Variants in ANKRD26 observed in about 807,000 individuals in gnomAD.
ANKRD26 encodes ankyrin repeat domain-containing protein 26.
A neutral mutation model predicts 208.7 loss-of-function variants in ANKRD26; 141 were observed. The ratio of observed to expected loss-of-function variants is 0.68; its 90% confidence interval spans 0.59 to 0.78. ANKRD26 has a LOEUF of 0.78. Among genes scored for constraint, ANKRD26 ranks in the 30% least tolerant of loss-of-function variants. ANKRD26 has a pLI of 0.00. For missense variants in ANKRD26, 1,889 were observed against 1,938.7 expected, an observed-to-expected ratio of 0.97 and a Z score of 0.48; for synonymous variants, 636 against 660.4, an observed-to-expected ratio of 0.96 and a Z score of 0.57.
chr10:26,984,590 A>G (rs1478241473), intron 3 of ANKRD26, among the ~76,000 whole-genome samples: 1 of 152,164 alleles, frequency 6.6e-6, no homozygotes, highest in Non-Finnish European at 1.5e-5. Flanking sequence ...ATCTTCAGGG[A>G]GGGCACTGTA....
chr10:27,032,466 C>T (rs553325371), intron 25 of ANKRD26, among the ~76,000 whole-genome samples: 1 of 152,230 alleles, frequency 6.6e-6, no homozygotes, highest in South Asian at 2.1e-4. Context: ...AAAACCCTAT[C>T]TCTAACTGTA....
intron 29 of ANKRD26, among the ~76,000 whole-genome samples, chr10:27,021,482 T>C (rs1345971707): frequency 2.0e-5 from 3 of 152,234 alleles, no homozygotes; most frequent in Non-Finnish European, 4.4e-5. Flanking sequence ...GTAGCGATTC[T>C]AACTGGAATA....
intron 15 of ANKRD26, among the ~76,000 whole-genome samples, chr10:27,057,606 T>C (rs1052074302): frequency 1.3e-5 from 2 of 152,206 alleles, no homozygotes; most frequent in African/African-American, 4.8e-5. Flanking sequence ...CAGAATTTAC[T>C]TTTTAAGCCT....
chr10:26,995,073 T>C (rs1255094047), exon 5 of ANKRD26: 2 of 471,010 alleles, frequency 4.2e-6, no homozygotes, highest in African/African-American at 2.0e-5. Context: ...GTGGCATCTA[T>C]TGCAGGTCTG....
In ANKRD26 at chr10:27,100,424, C is replaced by G; in HGVS notation, c.-98G>C. 6.5e-7 allele frequency: 1 copy of G among 1,545,040 alleles called. No homozygotes were observed. The highest frequency in any genetic ancestry group is 2.0e-5 in the Admixed American group (1 of 50,622). On this transcript the variant is annotated 5_prime_UTR_variant, in exon 1 of 34. Coordinates refer to ENST00000376087, the MANE Select transcript of ANKRD26 (RefSeq NM_014915.3). ...ACAAGTCAGCCCCGGCTGGCCGCAG[C>G]CTCCCAAAGGAAACTCCGCGGTTTC...
rs2053792035 is a variant in ANKRD26 at position 27,029,448 on chromosome 10, C to T, written c.3808-92G>A. ...TTTGTAACTAAACCTTATCGGAACA[C>T]AGTCATACCCCTTCAATATGCATAT... On this transcript the variant is annotated intron_variant, in intron 25 of 33. Coordinates refer to ENST00000376087, the MANE Select transcript of ANKRD26 (RefSeq NM_014915.3). The T allele has an allele frequency of 5.2e-6, 6 of 1,143,450 alleles. No individual in the cohort carries two copies. In the Admixed American group the frequency reaches 9.9e-5, roughly 19 times the overall value. The allele number at this position is 1,143,450 out of a possible 1,614,324, so 70.8% of individuals were successfully genotyped here. A position where few individuals can be genotyped will look rare whatever the true frequency, so the allele number is the denominator to read the frequency against.
At chr10:27,004,107 C>A, downstream of ANKRD26, 1 of 152,068 alleles carries the variant, frequency 6.6e-6, no homozygotes, top group East Asian at 1.9e-4. Flanking sequence ...ATCGTGTCTG[C>A]AACCTACAAA....
In ANKRD26 at chr10:27,100,089, T is replaced by G; in HGVS notation, c.238A>C (p.Asn80His). 3 of 1,613,988 alleles carry G rather than the reference T, an allele frequency of 1.9e-6. No individual in the cohort carries two copies. The highest frequency in any genetic ancestry group is 2.5e-6 in the Non-Finnish European group (3 of 1,179,952). The change falls in exon 1 of 34, where the codon AAC becomes CAC. Residue 80 changes from asparagine to histidine, a missense_variant. Around this residue, in one of 3 missense-constraint regions of ANKRD26, gnomAD observed 1,272 missense variants for 1,273.8 expected, o/e 1.00. Transcript: ENST00000376087. ...KNGLNDRDKM[N>H]RTALHLACAN... is the part of the protein sequence containing the mutation. The stretch of plus-strand genomic sequence containing the variant: ...CGGGCTTGCGACGCCTATTACCTGT[T>G]CATCTTGTCTCTATCGTTCAAGCCA...
intron 16 of ANKRD26, chr10:27,051,023 G>C (rs990274156): frequency 1.7e-6 from 2 of 1,193,052 alleles, no homozygotes; most frequent in Non-Finnish European, 2.1e-6. Flanking sequence ...AATTGATAGA[G>C]AAAAAAACAA....
At chr10:26,962,656 G>A in the ANKRD26 span, among the ~76,000 whole-genome samples, 4 of 152,148 alleles carry the variant, frequency 2.6e-5, no homozygotes, top group African/African-American at 9.7e-5. Flanking sequence ...GCTGAGGCAG[G>A]AGCATTGCTT....
At chr10:26,978,771 C>A (rs549511848) in intron 5 of ANKRD26, among the ~76,000 whole-genome samples, 2 of 152,174 alleles carry the variant, frequency 1.3e-5, no homozygotes, top group African/African-American at 4.8e-5. Flanking sequence ...AGTTACAATG[C>A]GGCTGCAACA....
At chr10:26,999,389 G>T (rs892773026), downstream of ANKRD26, among the ~76,000 whole-genome samples, 2 of 152,160 alleles carry the variant, frequency 1.3e-5, no homozygotes, top group Non-Finnish European at 2.9e-5. Flanking sequence ...TATAGTTAGG[G>T]TTCTCCTTCA....
At chr10:27,005,867 T>G in intron 33 of ANKRD26, 144 bp from the exon 34 acceptor site, 1 of 1,045,932 alleles carries the variant, frequency 9.6e-7, no homozygotes, top group East Asian at 2.9e-5. Context: ...AATATTACTA[T>G]TAAATATAAT....
chr10:26,997,905 T>C (rs981662806), intron 4 of ANKRD26, among the ~76,000 whole-genome samples: 3 of 152,200 alleles, frequency 2.0e-5, no homozygotes, highest in African/African-American at 7.2e-5. Flanking sequence ...CTTCACAGCA[T>C]CCATACTAGC....
downstream of ANKRD26, among the ~76,000 whole-genome samples, chr10:26,988,346 T>C (rs1440940217): frequency 1.3e-5 from 2 of 152,176 alleles, no homozygotes; most frequent in Non-Finnish European, 2.9e-5. Flanking sequence ...AAGTTTATCT[T>C]GGGACACTTT....
At position 27,086,770 on chromosome 10, in the gene ANKRD26, T is replaced by G. The variant is rs1397178757; in HGVS notation, c.639-161A>C. Among the ~76,000 whole-genome samples the G allele has an allele frequency of 4.0e-4, 11 of 27,478 alleles. No homozygotes were observed. In the East Asian group the frequency reaches 7.0e-3, roughly 17 times the overall value. The allele number at this position is 27,478 out of a possible 152,430, so 18.0% of individuals were successfully genotyped here. The stretch of plus-strand genomic sequence containing the variant: ...ATGTAAGCTCTACAAACTTTTTTGT[T>G]TTTTTTTTTTTTTTTTTTTGAGACA... On this transcript the variant is annotated intron_variant, in intron 4 of 33. Transcript: ENST00000376087.
At chr10:26,993,334 T>C (rs1186160164) in intron 5 of ANKRD26, among the ~76,000 whole-genome samples, 1 of 152,190 alleles carries the variant, frequency 6.6e-6, no homozygotes, top group East Asian at 1.9e-4. Flanking sequence ...ACCCAATAGG[T>C]GTCATGCCAG....
chr10:27,060,994 T>A, intron 13 of ANKRD26, 150 bp downstream of exon 13: 1 of 681,706 alleles, frequency 1.5e-6, no homozygotes. Context: ...TTCTTCAACT[T>A]GTCCTGTAAT....
intron 6 of ANKRD26, among the ~76,000 whole-genome samples, 191 bp downstream of exon 6, chr10:27,082,612 G>T (rs970938607): frequency 3.3e-5 from 5 of 152,146 alleles, no homozygotes; most frequent in African/African-American, 4.8e-5. Flanking sequence ...TCACTGTGAG[G>T]TCATGGGCCA....
Sources: allele counts gnomAD v4.1 joint callset (sites outside exome capture counted in the v4.1 genomes callset), GRCh38; gene constraint gnomAD v4.1.1; regional missense constraint gnomAD v4.1.1; transcripts MANE v1.5; gene names NCBI Gene and HGNC (gene_info 2026-07-23, HGNC 2026-07-21).